Variants in DOCK3 observed in about 807,000 individuals in gnomAD.
DOCK3 encodes the protein dedicator of cytokinesis protein 3.
A neutral mutation model predicts 265.6 loss-of-function variants in DOCK3; 60 were observed. That is an observed-to-expected ratio of 0.23 (90% CI 0.18 to 0.28). The LOEUF is 0.28. Ranked by LOEUF, DOCK3 falls within the 10% of genes least tolerant of loss-of-function variation. DOCK3 has a pLI of 1.00. For synonymous variants in DOCK3, 881 were observed against 938.0 expected, an observed-to-expected ratio of 0.94 and a Z score of 1.11; for missense variants, 1,981 against 2,594.3, an observed-to-expected ratio of 0.76 and a Z score of 5.14.
chr3:50,823,771 C>T (rs987390880), intron 2 of DOCK3, among the ~76,000 whole-genome samples: 9 of 152,218 alleles, frequency 5.9e-5, no homozygotes, highest in South Asian at 2.1e-4. Context: ...ACCTCCCAGA[C>T]GGGGCGGCTG....
chr3:51,284,593 G>T (rs556714838), intron 27 of DOCK3, among the ~76,000 whole-genome samples: 2 of 152,148 alleles, frequency 1.3e-5, no homozygotes, highest in African/African-American at 4.8e-5. Flanking sequence ...TCTTTAGAAG[G>T]GTCTCATGGC....
At chr3:51,020,151 G>A (rs1396147908) in intron 5 of DOCK3, among the ~76,000 whole-genome samples, 1 of 151,754 alleles carries the variant, frequency 6.6e-6, no homozygotes, top group African/African-American at 2.4e-5. Context: ...TTGACTTTTA[G>A]ATAATAGCCC....
At chr3:50,863,297 G>T in intron 3 of DOCK3, 1 of 451,204 alleles carries the variant, frequency 2.2e-6, no homozygotes, top group East Asian at 5.8e-5. Context: ...AACCTGTATG[G>T]CATGGTCTGT....
At chr3:50,964,387 T>C (rs142663447) in intron 5 of DOCK3, among the ~76,000 whole-genome samples, 26 of 152,280 alleles carry the variant, frequency 1.7e-4, no homozygotes, top group African/African-American at 5.5e-4. Context: ...TTTACAACAG[T>C]ATTCAATATG....
chr3:50,726,815 A>G (rs1291933518), intron 1 of DOCK3, among the ~76,000 whole-genome samples: 42 of 152,202 alleles, frequency 2.8e-4, no homozygotes, highest in Non-Finnish European at 5.9e-5. Flanking sequence ...CAGAGTTACC[A>G]CATTATAATA....
chr3:51,123,319 A>G (rs533256856), intron 9 of DOCK3, among the ~76,000 whole-genome samples: 1 of 152,278 alleles, frequency 6.6e-6, no homozygotes, highest in African/African-American at 2.4e-5. Context: ...CACTGGCCTT[A>G]CCTGCCCTAC....
chr3:50,761,182 T>A (rs960838757), intron 1 of DOCK3, among the ~76,000 whole-genome samples: 6 of 152,184 alleles, frequency 3.9e-5, no homozygotes, highest in South Asian at 2.1e-4. Flanking sequence ...TATTATTTTT[T>A]AAAATAAACA....
intron 5 of DOCK3, among the ~76,000 whole-genome samples, chr3:50,989,190 C>T (rs34040634): frequency 0.095 from 14,462 of 152,154 alleles, 864 homozygotes; most frequent in Non-Finnish European, 0.12. Context: ...GCTGATTGCA[C>T]AGAGTAATTG....
At chr3:50,986,941 A>G (rs541268689) in intron 5 of DOCK3, among the ~76,000 whole-genome samples, 7 of 152,336 alleles carry the variant, frequency 4.6e-5, no homozygotes, top group Non-Finnish European at 7.4e-5. Flanking sequence ...CTGGAAACCC[A>G]TTGCCTAGCA....
At chr3:51,137,477 A>G (rs2084857748) in intron 9 of DOCK3, among the ~76,000 whole-genome samples, 1 of 152,084 alleles carries the variant, frequency 6.6e-6, no homozygotes, top group Non-Finnish European at 1.5e-5. Context: ...AGGATAAGAA[A>G]CTCGTCTCTG....
At chr3:50,906,163 G>C (rs1348344774) in intron 4 of DOCK3, among the ~76,000 whole-genome samples, 2 of 152,070 alleles carry the variant, frequency 1.3e-5, no homozygotes, top group Non-Finnish European at 2.9e-5. Flanking sequence ...GATTCGGTTT[G>C]CCAGTATTTT....
intron 23 of DOCK3, among the ~76,000 whole-genome samples, chr3:51,270,023 A>G (rs2080415533): frequency 6.6e-6 from 1 of 152,140 alleles, no homozygotes; most frequent in Non-Finnish European, 1.5e-5. Context: ...TCTGCCTCCC[A>G]AAGGCTGTGG....
chr3:50,705,018 CTACTTGT>C (rs891678689), intron 1 of DOCK3, among the ~76,000 whole-genome samples: 1 of 137,534 alleles, frequency 7.3e-6, no homozygotes, highest in African/African-American at 2.7e-5. Flanking sequence ...TTGCTACTTG[CTACTTGT>C]TTTCTGATTT....
At chr3:51,047,344 A>G (rs994404027) in intron 5 of DOCK3, among the ~76,000 whole-genome samples, 1 of 152,012 alleles carries the variant, frequency 6.6e-6, no homozygotes, top group African/African-American at 2.4e-5. Flanking sequence ...AACATGGCAC[A>G]TGTATACATA....
At chr3:51,283,534 A>G (rs1576647777) in intron 27 of DOCK3, among the ~76,000 whole-genome samples, 1 of 152,342 alleles carries the variant, frequency 6.6e-6, no homozygotes, top group East Asian at 1.9e-4. Context: ...TCTCAGGAAC[A>G]GACAAACTCT....
At chr3:51,344,929 A>C (rs935773390) in intron 38 of DOCK3, among the ~76,000 whole-genome samples, 1 of 152,206 alleles carries the variant, frequency 6.6e-6, no homozygotes, top group African/African-American at 2.4e-5. Flanking sequence ...CAGGGTTACA[A>C]GCTAGGGCAG....
chr3:50,708,923 G>C (rs1040171176), intron 1 of DOCK3, among the ~76,000 whole-genome samples: 21 of 152,300 alleles, frequency 1.4e-4, no homozygotes, highest in African/African-American at 4.8e-4. Flanking sequence ...CCTTCTTTGT[G>C]AAGGAAGTGA....
chr3:51,020,122 C>T lies in DOCK3; in HGVS notation c.316-44326C>T, dbSNP rs909839503. ...AAACATTCGTTTTTCTCTGCAACCT[C>T]GCCAGCATCTGTTGTTTTTTGACTT... On this transcript the variant is annotated intron_variant, in intron 5 of 52. Transcript: ENST00000266037. Among the ~76,000 whole-genome samples the T allele has an allele frequency of 2.6e-5, 4 of 151,898 alleles. 1 individual carries two copies. The highest frequency in any genetic ancestry group is 7.3e-5 in the African/African-American group (3 of 41,184).
At chr3:51,323,854 T>G (rs2083906585) in intron 32 of DOCK3, among the ~76,000 whole-genome samples, 1 of 151,860 alleles carries the variant, frequency 6.6e-6, no homozygotes, top group South Asian at 2.1e-4. Flanking sequence ...CTGAAGGAGA[T>G]GGAGACACAC....
Sources: allele counts gnomAD v4.1 joint callset (sites outside exome capture counted in the v4.1 genomes callset), GRCh38; gene constraint gnomAD v4.1.1; transcripts MANE v1.5; gene names NCBI Gene and HGNC (gene_info 2026-07-23, HGNC 2026-07-21).